ARFGAP3: variants seen among roughly 807,000 people sequenced by gnomAD.
ARFGAP3 encodes the protein ADP-ribosylation factor GTPase-activating protein 3.
A neutral mutation model predicts 75.0 loss-of-function variants in ARFGAP3; 72 were observed. The ratio of observed to expected loss-of-function variants is 0.96; its 90% CI spans 0.79 to 1.17. The LOEUF (loss-of-function observed/expected upper bound fraction) is 1.17. ARFGAP3 is among the 50% of genes most tolerant of loss of function. The pLI is 0.00. For missense variants in ARFGAP3, 620 were observed against 626.6 expected, an observed-to-expected ratio of 0.99 and a Z score of 0.11; for synonymous variants, 221 against 217.9, an observed-to-expected ratio of 1.01 and a Z score of -0.13.
intron 1 of ARFGAP3, among the ~76,000 whole-genome samples, chr22:42,848,349 C>T (rs1927116919): frequency 6.6e-6 from 1 of 152,142 alleles, no homozygotes; most frequent in Non-Finnish European, 1.5e-5. Flanking sequence ...GCTGGGACTA[C>T]AGGCGCCCGC....
chr22:42,856,250 C>T lies in ARFGAP3; in HGVS notation c.69+864G>A, dbSNP rs545787171. Among the ~76,000 whole-genome samples the T allele has an allele frequency of 9.8e-5, 15 of 152,308 alleles. No individual in the cohort carries two copies. In the South Asian group the frequency reaches 3.1e-3, roughly 32 times the overall value. On this transcript the variant is annotated intron_variant, in intron 1 of 15. Transcript: ENST00000263245. ...CAACAGAAACACCTATTTTGTAACA[C>T]TCGGGAACTTTCTATGCCAGCATAT... is the stretch of plus-strand genomic sequence containing the variant.
chr22:42,828,681 C>CT (rs11379515), intron 6 of ARFGAP3, among the ~76,000 whole-genome samples: 40,713 of 116,262 alleles, frequency 0.35, 8,741 homozygotes, highest in Non-Finnish European at 0.44. Flanking sequence ...AGCCCCCGGC[C>CT]TTTTTTTTTT....
In ARFGAP3 at chr22:42,840,810, C is replaced by T. The variant is rs550213121; in HGVS notation, c.261+134G>A. Reference sequence around the variant, plus strand: ...CCTGGGCTCCAGTGATCCTCCCAAACGCCTGTAATTTCAGCCTCCCAAATG... The same window carrying T: ...CCTGGGCTCCAGTGATCCTCCCAAATGCCTGTAATTTCAGCCTCCCAAATG... On this transcript the variant is annotated intron_variant, in intron 3 of 15. Transcript: ENST00000263245. 1.1e-4 allele frequency: 99 copies of T among 886,446 alleles called. 1 individual carries two copies. In the South Asian group the frequency reaches 1.4e-3, roughly 13 times the overall value. 54.9% of individuals were successfully genotyped at this position (886,446 alleles called of 1,614,324 possible). A position where few individuals can be genotyped will look rare whatever the true frequency, so the allele number is the denominator to read the frequency against.
intron 7 of ARFGAP3, 108 bp from the exon 8 acceptor site, chr22:42,823,810 AAC>A: frequency 8.2e-7 from 1 of 1,215,360 alleles, no homozygotes; most frequent in Non-Finnish European, 1.1e-6. Flanking sequence ...AAGAGATGAT[AAC>A]ATTTTCCACT....
intron 1 of ARFGAP3, among the ~76,000 whole-genome samples, chr22:42,854,418 A>C (rs1288701543): frequency 6.6e-6 from 1 of 152,190 alleles, no homozygotes; most frequent in Admixed American, 6.5e-5. Context: ...TTAGGTCAGG[A>C]GTTTGAGACC....
At chr22:42,799,530 G>A (rs779068187) in intron 14 of ARFGAP3, among the ~76,000 whole-genome samples, 5 of 152,114 alleles carry the variant, frequency 3.3e-5, no homozygotes, top group Non-Finnish European at 5.9e-5. Flanking sequence ...GGGCCAACAC[G>A]GATGGCCTGT....
At chr22:42,841,632 C>T (rs79335087) in intron 2 of ARFGAP3, among the ~76,000 whole-genome samples, 1,610 of 152,094 alleles carry the variant, frequency 0.011, 28 homozygotes, top group African/African-American at 0.036. Flanking sequence ...CCCAAGGGGT[C>T]GACGGTAAAG....
chr22:42,845,810 G>T (rs139919802), intron 2 of ARFGAP3, among the ~76,000 whole-genome samples: 16 of 152,016 alleles, frequency 1.1e-4, no homozygotes, highest in Non-Finnish European at 1.9e-4. Context: ...GAGGACGAGG[G>T]GGGTGGATCA....
chr22:42,828,187 C>T (rs1300178873), intron 6 of ARFGAP3, among the ~76,000 whole-genome samples: 2 of 151,746 alleles, frequency 1.3e-5, no homozygotes. Context: ...CTTCGGGAGG[C>T]CAAGGGGGAC....
At chr22:42,853,350 G>A (rs1390430336) in intron 1 of ARFGAP3, 2 of 204,080 alleles carry the variant, frequency 9.8e-6, no homozygotes, top group African/African-American at 4.6e-5. Flanking sequence ...TGGAGATAAG[G>A]GAAGGCCAGA....
At chr22:42,836,258 G>T (rs888014632) in intron 3 of ARFGAP3, among the ~76,000 whole-genome samples, 1 of 152,068 alleles carries the variant, frequency 6.6e-6, no homozygotes, top group Non-Finnish European at 1.5e-5. Flanking sequence ...TTACAGGCGT[G>T]AGCCACCGCT....
intron 3 of ARFGAP3, among the ~76,000 whole-genome samples, chr22:42,838,275 C>CACATATATAT (rs147134739): frequency 2.2e-5 from 3 of 137,870 alleles, no homozygotes; most frequent in Non-Finnish European, 4.6e-5. Flanking sequence ...TACACACACA[C>CACATATATAT]ATATATATAT....
chr22:42,797,359 G>A lies in ARFGAP3; in HGVS notation c.*229C>T, dbSNP rs935695354. The A allele has an allele frequency of 6.7e-6, 4 of 600,640 alleles. No homozygotes were observed. The highest frequency in any genetic ancestry group is 3.7e-5 in the African/African-American group (2 of 53,520). The allele number at this position is 600,640 out of a possible 1,614,324, so 37.2% of individuals were successfully genotyped here. ...ATAAAGCAAGGATATACACAGAGAC[G>A]CCAAAGGAGGGTGTGACAGGAAGGA... On this transcript the variant is annotated 3_prime_UTR_variant, in exon 16 of 16. Coordinates refer to ENST00000263245, the MANE Select transcript of ARFGAP3 (RefSeq NM_014570.5).
chr22:42,834,067 A>T (rs1926414258), intron 5 of ARFGAP3, among the ~76,000 whole-genome samples, 175 bp downstream of exon 5: 1 of 152,256 alleles, frequency 6.6e-6, no homozygotes, highest in Non-Finnish European at 1.5e-5. Context: ...TCCATCAGTC[A>T]ATAGCAGATA....
intron 9 of ARFGAP3, among the ~76,000 whole-genome samples, chr22:42,821,941 G>T (rs905184740): frequency 2.0e-5 from 3 of 152,090 alleles, no homozygotes; most frequent in Admixed American, 6.6e-5. Flanking sequence ...GTACACAGTG[G>T]TATCTTATTG....
In ARFGAP3 at chr22:42,817,634, AT is replaced by A. The variant is rs546319268; in HGVS notation, c.941+94del. ...AGAAGTTAATGAATAACAAAAAAAA[AT>A]CTCTAAAGTTGAAACTAACACAGTC... On this transcript the variant is annotated intron_variant, in intron 10 of 15. Coordinates refer to ENST00000263245, the MANE Select transcript of ARFGAP3 (RefSeq NM_014570.5). 627 of 1,057,782 alleles carry A rather than the reference AT, an allele frequency of 5.9e-4. 2 individuals carry two copies. The African/African-American group carries it at 9.6e-3, about 16-fold the overall frequency. The allele number at this position is 1,057,782 out of a possible 1,614,324, so 65.5% of individuals were successfully genotyped here. A position where few individuals can be genotyped will look rare whatever the true frequency, so the allele number is the denominator to read the frequency against.
At chr22:42,830,482 T>C (rs1054122707) in intron 6 of ARFGAP3, among the ~76,000 whole-genome samples, 2 of 152,166 alleles carry the variant, frequency 1.3e-5, no homozygotes, top group African/African-American at 4.8e-5. Flanking sequence ...TTCCTTAGAG[T>C]AGTTCAAGGC....
intron 7 of ARFGAP3, among the ~76,000 whole-genome samples, chr22:42,826,141 C>A (rs146189450): frequency 6.6e-6 from 1 of 152,148 alleles, no homozygotes. Flanking sequence ...ACCAAAGCAG[C>A]TGCTTTCCAA....
At chr22:42,820,290 CTG>C (rs1420919348) in intron 9 of ARFGAP3, among the ~76,000 whole-genome samples, 1 of 152,202 alleles carries the variant, frequency 6.6e-6, no homozygotes, top group Non-Finnish European at 1.5e-5. Flanking sequence ...AAATTAAAGT[CTG>C]TGACAAGTCA....
Sources: allele counts gnomAD v4.1 joint callset (sites outside exome capture counted in the v4.1 genomes callset), GRCh38; gene constraint gnomAD v4.1.1; transcripts MANE v1.5; gene names NCBI Gene and HGNC (gene_info 2026-07-23, HGNC 2026-07-21).